Variants in GALNT2 observed in about 807,000 individuals in gnomAD.
GALNT2 encodes UDP-GalNAc:polypeptide N-acetylgalactosaminyltransferase 2.
A neutral mutation model predicts 81.4 loss-of-function variants in GALNT2; 31 were observed. The ratio of observed to expected loss-of-function variants is 0.38; its 90% CI spans 0.29 to 0.51. GALNT2 has a LOEUF of 0.51. Among genes scored for constraint, GALNT2 ranks in the 20% least tolerant of loss-of-function variants. The pLI is 0.87. For missense variants in GALNT2, 629 were observed against 765.7 expected, an observed-to-expected ratio of 0.82 and a Z score of 2.11; for synonymous variants, 303 against 287.4, an observed-to-expected ratio of 1.05 and a Z score of -0.55.
At chr1:230,247,784 A>G (rs1665420595) in intron 8 of GALNT2, among the ~76,000 whole-genome samples, 2 of 152,168 alleles carry the variant, frequency 1.3e-5, no homozygotes, top group African/African-American at 4.8e-5. Context: ...TCCTTTAGAA[A>G]AAAAATCAAG....
At chr1:230,205,084 G>A (rs997714027) in intron 3 of GALNT2, among the ~76,000 whole-genome samples, 6 of 152,230 alleles carry the variant, frequency 3.9e-5, no homozygotes, top group Non-Finnish European at 8.8e-5. Context: ...GCCAGCAAGT[G>A]TCTAATTTCA....
chr1:230,110,617 A>G (rs1439742980), intron 1 of GALNT2, among the ~76,000 whole-genome samples: 4 of 151,404 alleles, frequency 2.6e-5, no homozygotes, highest in African/African-American at 9.7e-5. Context: ...ATGCAGAACT[A>G]CTCACTGCTG....
chr1:230,257,767 G>C lies in GALNT2; in HGVS notation c.1136+2423G>C, dbSNP rs1261028575. Among the ~76,000 whole-genome samples the C allele has an allele frequency of 3.3e-5, 5 of 152,222 alleles. No homozygotes were observed. The highest frequency in any genetic ancestry group is 6.5e-5 in the Admixed American group (1 of 15,286). On this transcript the variant is annotated intron_variant, in intron 11 of 15. Coordinates refer to ENST00000366672, the MANE Select transcript of GALNT2 (RefSeq NM_004481.5). This position sits in a 1 kb window ranked among gnomAD's most constrained non-coding sequence, Gnocchi z 4.6. ...TGAAGCAGGCAGCTGTTTGCTAATA[G>C]GGCGGCAGAGAGAAGGGAGGTAGAG...
Position 230,265,267 on chromosome 1 carries a change from T to C in GALNT2, c.1340T>C (p.Phe447Ser). The change falls in exon 14 of 16, where the codon TTT becomes TCT. Residue 447 changes from phenylalanine (F) to serine (S), a missense_variant. By Grantham distance (155) the Phe-to-Ser change is radical (BLOSUM62 -2). Coordinates refer to ENST00000366672, the MANE Select transcript of GALNT2 (RefSeq NM_004481.5). Reference protein sequence around the residue: ...LRVPDHQDIAFGALQQGTNCL... With the variant: ...LRVPDHQDIASGALQQGTNCL... Reference sequence around the variant, plus strand: ...GTTCCAGACCATCAGGATATAGCTTTTGGGGCCTTGCAGCAGGGAACTAAC... The same window carrying C: ...GTTCCAGACCATCAGGATATAGCTTCTGGGGCCTTGCAGCAGGGAACTAAC... The C allele has an allele frequency of 6.2e-7, 1 of 1,614,226 alleles. No individual in the cohort carries two copies. The highest frequency in any genetic ancestry group is 8.5e-7 in the Non-Finnish European group (1 of 1,180,046).
chr1:230,190,989 A>G (rs962283183), intron 2 of GALNT2, among the ~76,000 whole-genome samples: 2 of 152,148 alleles, frequency 1.3e-5, no homozygotes, highest in African/African-American at 4.8e-5. Flanking sequence ...TTTTAATATT[A>G]GTTGCCATTT....
intron 14 of GALNT2, among the ~76,000 whole-genome samples, chr1:230,273,837 A>T (rs1043568721): frequency 6.6e-6 from 1 of 152,242 alleles, no homozygotes; most frequent in African/African-American, 2.4e-5. Context: ...CATTAAATTT[A>T]GCTGTAATGT....
chr1:230,210,556 G>T (rs1664203306), intron 3 of GALNT2, among the ~76,000 whole-genome samples: 3 of 152,190 alleles, frequency 2.0e-5, no homozygotes, highest in Admixed American at 2.0e-4. Context: ...TCTTTGAGAG[G>T]AGTGTGTCCA....
rs77386904 is a variant in GALNT2 at position 230,168,159 on chromosome 1, C to A, written c.127-10059C>A. On this transcript the variant is annotated intron_variant, in intron 1 of 15. Coordinates refer to ENST00000366672, the MANE Select transcript of GALNT2 (RefSeq NM_004481.5). ...TCGGAGCAAGTGTTAGAAAATGGAG[C>A]CATAAAAGACTCCTTAAAGTGTCGG... is the stretch of plus-strand genomic sequence containing the variant. 7.5e-4 allele frequency among the ~76,000 whole-genome samples: 109 copies of A among 144,380 alleles called. 1 individual carries two copies. In the East Asian group the frequency reaches 0.017, roughly 23 times the overall value. The allele number at this position is 144,380 out of a possible 152,430, so 94.7% of individuals were successfully genotyped here. A position where few individuals can be genotyped will look rare whatever the true frequency, so the allele number is the denominator to read the frequency against.
At position 230,246,043 on chromosome 1, in the gene GALNT2, C is replaced by G; in HGVS notation, c.730-20C>G. On this transcript the variant is annotated intron_variant, in intron 7 of 15. Transcript: ENST00000366672. Reference sequence around the variant, plus strand: ...TGTTTTGCTGGGATTTTGATAACTACTCCTCTCTTTGTATTTTAGGACAGG... The same window carrying G: ...TGTTTTGCTGGGATTTTGATAACTAGTCCTCTCTTTGTATTTTAGGACAGG... 6.3e-7 allele frequency: 1 copy of G among 1,595,136 alleles called. No individual in the cohort carries two copies. The highest frequency in any genetic ancestry group is 8.6e-7 in the Non-Finnish European group (1 of 1,162,668).
At chr1:230,277,742 C>T (rs540108412) in intron 15 of GALNT2, among the ~76,000 whole-genome samples, 50 of 152,294 alleles carry the variant, frequency 3.3e-4, no homozygotes, top group Non-Finnish European at 5.9e-4. Context: ...CTGCCTGCAC[C>T]GGCTCCTCCC....
chr1:230,086,155 CTG>C (rs1023114163), intron 1 of GALNT2, among the ~76,000 whole-genome samples: 5 of 152,158 alleles, frequency 3.3e-5, no homozygotes, highest in Non-Finnish European at 7.3e-5. Context: ...AGAGGTGAAA[CTG>C]AGAAAATTTT....
chr1:230,208,527 GA>G (rs779033562), intron 3 of GALNT2, among the ~76,000 whole-genome samples: 1 of 152,214 alleles, frequency 6.6e-6, no homozygotes, highest in African/African-American at 2.4e-5. Flanking sequence ...TGTAAATTTG[GA>G]AATGTTCAGC....
intron 1 of GALNT2, among the ~76,000 whole-genome samples, chr1:230,117,164 C>T (rs925511007): frequency 6.6e-6 from 1 of 152,232 alleles, no homozygotes; most frequent in Non-Finnish European, 1.5e-5. Flanking sequence ...GTCAACCTCT[C>T]CTAGCTTTCA....
At chr1:230,197,401 G>A (rs1178506862) in intron 2 of GALNT2, among the ~76,000 whole-genome samples, 1 of 152,160 alleles carries the variant, frequency 6.6e-6, no homozygotes, top group Non-Finnish European at 1.5e-5. Context: ...AAAGAAAGCA[G>A]GGATTCCCTC....
intron 1 of GALNT2, among the ~76,000 whole-genome samples, chr1:230,097,627 A>G (rs1009073397): frequency 1.1e-4 from 17 of 152,176 alleles, no homozygotes; most frequent in Admixed American, 1.0e-3. Context: ...TAATATGTAC[A>G]TGTGCACATT....
At chr1:230,176,835 G>C (rs1189734673) in intron 1 of GALNT2, among the ~76,000 whole-genome samples, 4 of 152,148 alleles carry the variant, frequency 2.6e-5, no homozygotes, top group Non-Finnish European at 4.4e-5. Context: ...TTGCAGCGTG[G>C]GGTAAGACTT....
At chr1:230,222,733 A>C (rs1664588267) in intron 3 of GALNT2, among the ~76,000 whole-genome samples, 1 of 152,186 alleles carries the variant, frequency 6.6e-6, no homozygotes, top group Admixed American at 6.5e-5. Context: ...GCTACCTTTA[A>C]TTGAGATTTT....
intron 1 of GALNT2, among the ~76,000 whole-genome samples, chr1:230,113,956 C>T (rs1046432369): frequency 3.3e-5 from 5 of 151,820 alleles, no homozygotes; most frequent in African/African-American, 7.3e-5. Context: ...ATCTGACTCA[C>T]GGGGTGAGGC....
intron 1 of GALNT2, among the ~76,000 whole-genome samples, chr1:230,143,593 C>T (rs1380297973): frequency 3.9e-5 from 6 of 152,312 alleles, no homozygotes; most frequent in Middle Eastern, 3.4e-3. Context: ...GGTCGTCTGT[C>T]GGCCTGAACA....
Sources: allele counts gnomAD v4.1 joint callset (sites outside exome capture counted in the v4.1 genomes callset), GRCh38; gene constraint gnomAD v4.1.1; non-coding constraint Gnocchi (gnomAD v3.1); transcripts MANE v1.5; gene names NCBI Gene and HGNC (gene_info 2026-07-23, HGNC 2026-07-21).